The following CHAT variants were observed in gnomAD, a reference collection of about 807,000 sequenced individuals.
The protein encoded by CHAT is acetyl CoA:choline O-acetyltransferase.
CHAT carries 61 observed loss-of-function variants against 76.9 expected under a neutral mutation model. The observed-to-expected ratio is 0.79, with a 90% CI of 0.65 to 0.98. The LOEUF is 0.98. Among genes scored for constraint, CHAT ranks in the 50% least tolerant of loss-of-function variants. CHAT has a pLI of 0.00. For missense variants in CHAT, 946 were observed against 986.9 expected (o/e 0.96, Z 0.56); for synonymous variants, 407 against 397.4 (o/e 1.02, Z -0.29).
At chr10:49,648,286 C>T (rs1839746502) in intron 8 of CHAT, among the ~76,000 whole-genome samples, 1 of 152,186 alleles carries the variant, frequency 6.6e-6, no homozygotes, top group South Asian at 2.1e-4. Flanking sequence ...CTTCACTGCC[C>T]ACAGCTTTTA....
rs554116679 is a variant in CHAT, at chr10:49,655,623, CAT to C, written c.1839+177_1839+178del. Among the ~76,000 whole-genome samples the C allele has an allele frequency of 3.9e-5, 6 of 152,350 alleles. No homozygotes were observed. In the South Asian group the frequency reaches 1.2e-3, roughly 32 times the overall value. On this transcript the variant is annotated intron_variant, in intron 13 of 14. Transcript: ENST00000337653. ...TTTCTTCGTTTTAGAACCTAAGTAACATAGCATTCCTGTTTTTGACATGGATT... is the reference window on the plus strand; with the variant it reads ...TTTCTTCGTTTTAGAACCTAAGTAACAGCATTCCTGTTTTTGACATGGATT...
At chr10:49,609,296 G>C (rs2132682331), upstream of CHAT, 1 of 152,454 alleles carries the variant, frequency 6.6e-6, no homozygotes, top group African/African-American at 2.4e-5. Context: ...AGTTCCAAGA[G>C]AGGACCCCAG....
intron 5 of CHAT, among the ~76,000 whole-genome samples, chr10:49,624,772 G>A (rs565091402): frequency 1.3e-5 from 2 of 152,158 alleles, no homozygotes; most frequent in Non-Finnish European, 2.9e-5. Flanking sequence ...TGGATGGATG[G>A]TGGATAGATG....
In CHAT at chr10:49,665,076, C is replaced by T. The variant is rs759489601; in HGVS notation, c.*30C>T. On this transcript the variant is annotated 3_prime_UTR_variant, in exon 15 of 15. Transcript: ENST00000337653. ...TGCCACTAGGTTTCACCTCCCAAAC[C>T]CAGCCTCTAGAACAGCCAGACCCTG... is the stretch of plus-strand genomic sequence containing the variant. 8.7e-6 allele frequency: 14 copies of T among 1,612,412 alleles called. No homozygotes were observed. Among genetic ancestry groups the T allele is most frequent in the Non-Finnish European group, 1.2e-5 (14 of 1,179,898 alleles).
chr10:49,627,742 C>G lies in CHAT; in HGVS notation c.1068C>G (p.Asp356Glu). 6.2e-7 allele frequency: 1 copy of G among 1,614,034 alleles called. No homozygotes were observed. Among genetic ancestry groups the G allele is most frequent in the Non-Finnish European group, 8.5e-7 (1 of 1,179,898 alleles). ...RLPPIGLLTSDGRSEWAEART... is the reference protein window; with the variant it reads ...RLPPIGLLTSEGRSEWAEART... ...CTCCAATTGGCCTGCTGACGTCTGA[C>G]GGGAGGAGCGAGTGGGCCGAGGCCA... Residue 356 changes from aspartate to glutamate, a missense_variant, in exon 7 of 15, where the codon GAC becomes GAG. Asp to Glu is a conservative substitution (Grantham distance 45, BLOSUM62 2). This residue lies in a region of CHAT where 548 missense variants were observed against 516.2 expected (regional missense o/e 1.06). Transcript: ENST00000337653.
upstream of CHAT, chr10:49,611,019 C>A: frequency 1.2e-6 from 2 of 1,613,864 alleles, no homozygotes; most frequent in African/African-American, 2.7e-5. Context: ...CCAGCGCCTA[C>A]ACGGCCAACA....
chr10:49,624,557 G>A (rs577803554), intron 5 of CHAT, among the ~76,000 whole-genome samples: 1 of 152,314 alleles, frequency 6.6e-6, no homozygotes, highest in South Asian at 2.1e-4. Flanking sequence ...TTTGCTGCTT[G>A]TGGTCTACTC....
intron 8 of CHAT, 95 bp from the exon 9 acceptor site, chr10:49,648,412 G>A (rs1348440265): frequency 1.8e-5 from 15 of 814,704 alleles, no homozygotes; most frequent in Non-Finnish European, 2.9e-5. Flanking sequence ...TGGAGAAGAG[G>A]TGCCCTGAGA....
chr10:49,633,568 G>T (rs1255580053), intron 7 of CHAT, among the ~76,000 whole-genome samples: 1 of 152,280 alleles, frequency 6.6e-6, no homozygotes, highest in East Asian at 1.9e-4. Flanking sequence ...GGCCTCAGAG[G>T]GAGCCTGCAC....
At chr10:49,632,867 G>A (rs1366111796) in intron 7 of CHAT, among the ~76,000 whole-genome samples, 2 of 152,174 alleles carry the variant, frequency 1.3e-5, no homozygotes, top group African/African-American at 2.4e-5. Context: ...CACAGCCCAC[G>A]CGCAGGGGAG....
rs774886016 is a variant in CHAT at position 49,665,041 on chromosome 10, C to T, written c.2242C>T (p.Pro748Ser). 3 of 1,613,852 alleles carry T rather than the reference C, an allele frequency of 1.9e-6. No homozygotes were observed. Among genetic ancestry groups the T allele is most frequent in the South Asian group, 1.1e-5 (1 of 91,062 alleles). The stretch of plus-strand genomic sequence containing the variant: ...CACGAGGCCCAGCCAGGGACACCAA[C>T]CTTGACTCCTGCCACTAGGTTTCAC... ...KATRPSQGHQ[P>S] The change falls in exon 15 of 15, where the codon CCT becomes TCT. Residue 748 changes from proline (P) to serine (S), a missense_variant. Coordinates refer to ENST00000337653, the MANE Select transcript of CHAT (RefSeq NM_020549.5).
chr10:49,620,485 T>C lies in CHAT; in HGVS notation c.580-10T>C. The C allele has an allele frequency of 6.3e-7, 1 of 1,595,710 alleles. No individual in the cohort carries two copies. ...GGGGATGTGACGGCCTTCCCTGCCC[T>C]CCCCGGCAGGTGTCTGAGTACTGGC... is the stretch of plus-strand genomic sequence containing the variant. On this transcript the variant is annotated splice_polypyrimidine_tract_variant and intron_variant, in intron 3 of 14. Transcript: ENST00000337653.
At chr10:49,617,172 T>C (rs2132703658) in intron 2 of CHAT, among the ~76,000 whole-genome samples, 1 of 143,516 alleles carries the variant, frequency 7.0e-6, no homozygotes, top group Middle Eastern at 3.4e-3. Context: ...GCCACTCCTC[T>C]TCCCCCTTCC....
intron 13 of CHAT, among the ~76,000 whole-genome samples, chr10:49,658,120 G>T (rs991978099): frequency 6.6e-6 from 1 of 152,210 alleles, no homozygotes; most frequent in African/African-American, 2.4e-5. Context: ...AGTGGCTTAT[G>T]CCTGTAATCC....
intron 10 of CHAT, among the ~76,000 whole-genome samples, chr10:49,650,586 C>A (rs1055948157): frequency 6.6e-5 from 10 of 152,232 alleles, no homozygotes; most frequent in African/African-American, 2.2e-4. Context: ...GAGAGAATGG[C>A]CAGAGTGGGG....
chr10:49,618,008 T>G (rs1197651552), intron 2 of CHAT, among the ~76,000 whole-genome samples: 1 of 152,218 alleles, frequency 6.6e-6, no homozygotes, highest in African/African-American at 2.4e-5. Context: ...CCATTCACTC[T>G]GCAGCCTATG....
At chr10:49,631,826 C>T (rs1355284024) in intron 7 of CHAT, among the ~76,000 whole-genome samples, 5 of 151,946 alleles carry the variant, frequency 3.3e-5, no homozygotes, top group African/African-American at 4.8e-5. Flanking sequence ...GGAGACTGGG[C>T]GTCCACATGG....
intron 13 of CHAT, 103 bp from the exon 14 acceptor site, chr10:49,662,542 T>C: frequency 1.4e-6 from 2 of 1,454,626 alleles, no homozygotes; most frequent in Non-Finnish European, 1.9e-6. Flanking sequence ...GCATGAGCCG[T>C]GGCTGCTGGA....
At chr10:49,612,228 G>T (rs368027068), upstream of CHAT, 5 of 1,609,228 alleles carry the variant, frequency 3.1e-6, no homozygotes, top group African/African-American at 4.0e-5. Flanking sequence ...TGTACGATGC[G>T]GTGCGCCTGC....
Sources: gnomAD v4.1 joint callset for allele counts (sites outside exome capture counted in the v4.1 genomes callset) on GRCh38, gnomAD v4.1.1 for gene constraint, gnomAD v4.1.1 regional missense constraint, MANE v1.5 for transcripts, NCBI Gene and HGNC (gene_info 2026-07-23, HGNC 2026-07-21) for gene names.